Variants in L3MBTL4 observed in about 807,000 individuals in gnomAD.
L3MBTL4 encodes lethal(3)malignant brain tumor-like protein 4.
A neutral mutation model predicts 84.5 loss-of-function variants in L3MBTL4; 70 were observed. The ratio of observed to expected loss-of-function variants is 0.83; its 90% confidence interval spans 0.68 to 1.01. The LOEUF is 1.01. L3MBTL4 is among the 50% of genes least tolerant of loss of function. The probability of loss-of-function intolerance (pLI) is 0.00; values close to 1 mark genes in which losing one functional copy is unlikely to be tolerated. For missense variants in L3MBTL4, 715 were observed against 754.8 expected (o/e 0.95, Z 0.62); for synonymous variants, 274 against 259.8 (o/e 1.05, Z -0.52).
chr18:5,993,517 C>T (rs1011952374), intron 16 of L3MBTL4, among the ~76,000 whole-genome samples: 3 of 152,022 alleles, frequency 2.0e-5, no homozygotes, highest in South Asian at 4.2e-4. Context: ...ATATGATGAG[C>T]TAACCTGGAC....
chr18:6,228,298 A>G (rs2046857944), intron 10 of L3MBTL4, among the ~76,000 whole-genome samples: 1 of 152,174 alleles, frequency 6.6e-6, no homozygotes, highest in Non-Finnish European at 1.5e-5. Flanking sequence ...CAAATATAAA[A>G]CTTCACTAGA....
At chr18:6,073,800 T>A (rs1410367572) in intron 16 of L3MBTL4, among the ~76,000 whole-genome samples, 1 of 152,218 alleles carries the variant, frequency 6.6e-6, no homozygotes, top group Non-Finnish European at 1.5e-5. Context: ...AAAAGTAATA[T>A]TTAATTAGTA....
rs1235666273 is a variant in L3MBTL4 at position 6,171,821 on chromosome 18, T to C, written c.1096+7A>G. 6.7e-7 allele frequency: 1 copy of C among 1,497,660 alleles called. No homozygotes were observed. The highest frequency in any genetic ancestry group is 2.5e-5 in the East Asian group (1 of 40,356). The allele number at this position is 1,497,660 out of a possible 1,614,324, so 92.8% of individuals were successfully genotyped here. ...TAAAAAGCAACAACAAAGAGCAAAG[T>C]ACTCACGCTGTGGCACTTCCAGTGG... On this transcript the variant is annotated splice_region_variant and intron_variant, in intron 13 of 18. Transcript: ENST00000317931.
At chr18:5,991,166 T>C (rs943695442) in intron 16 of L3MBTL4, among the ~76,000 whole-genome samples, 1 of 152,202 alleles carries the variant, frequency 6.6e-6, no homozygotes, top group African/African-American at 2.4e-5. Context: ...AGGCCCATGC[T>C]GACCCTCAAA....
intron 10 of L3MBTL4, among the ~76,000 whole-genome samples, chr18:6,223,784 T>G (rs1038297822): frequency 6.6e-6 from 1 of 152,218 alleles, no homozygotes; most frequent in Admixed American, 6.5e-5. Flanking sequence ...CATCAGCTTC[T>G]TTCTATTCTC....
chr18:5,976,959 A>C (rs1241169025), intron 16 of L3MBTL4, among the ~76,000 whole-genome samples: 1 of 152,038 alleles, frequency 6.6e-6, no homozygotes, highest in Non-Finnish European at 1.5e-5. Context: ...GGGAGGACTG[A>C]GGGAACCGAG....
intron 10 of L3MBTL4, among the ~76,000 whole-genome samples, chr18:6,237,541 C>T (rs546808349): frequency 3.7e-4 from 55 of 149,412 alleles, no homozygotes; most frequent in East Asian, 2.0e-3. Context: ...CTGCAACCTC[C>T]GCCTCCCAGG....
At chr18:6,176,880 A>C (rs1276882207) in intron 12 of L3MBTL4, among the ~76,000 whole-genome samples, 1 of 152,304 alleles carries the variant, frequency 6.6e-6, no homozygotes, top group African/African-American at 2.4e-5. Context: ...ATGATCAATA[A>C]ACAAACTTTT....
At chr18:6,055,064 C>T (rs955767490) in intron 16 of L3MBTL4, among the ~76,000 whole-genome samples, 24 of 152,202 alleles carry the variant, frequency 1.6e-4, no homozygotes, top group African/African-American at 2.2e-4. Flanking sequence ...GATACCTTAG[C>T]GCTGTCCATT....
At chr18:6,101,828 G>A (rs1460383578) in intron 14 of L3MBTL4, among the ~76,000 whole-genome samples, 1 of 152,206 alleles carries the variant, frequency 6.6e-6, no homozygotes, top group Non-Finnish European at 1.5e-5. Flanking sequence ...AAGCATTCCA[G>A]AAGAAGGAGC....
intron 10 of L3MBTL4, among the ~76,000 whole-genome samples, chr18:6,224,396 A>C (rs1039697046): frequency 6.6e-6 from 1 of 152,254 alleles, no homozygotes; most frequent in African/African-American, 2.4e-5. Context: ...GTGTGGGGCT[A>C]AACACAGACA....
intron 16 of L3MBTL4, chr18:6,029,963 T>C: frequency 1.0e-6 from 1 of 985,402 alleles, no homozygotes; most frequent in Non-Finnish European, 1.2e-6. Context: ...AGAAGACACT[T>C]TGAAGCCTCC....
chr18:6,093,012 A>G (rs888133960), intron 15 of L3MBTL4, among the ~76,000 whole-genome samples: 1 of 152,232 alleles, frequency 6.6e-6, no homozygotes, highest in Non-Finnish European at 1.5e-5. Context: ...ATGTGCCAAA[A>G]GAGGTAATAT....
At chr18:6,402,485 A>G (rs761471880) in intron 1 of L3MBTL4, among the ~76,000 whole-genome samples, 2 of 152,290 alleles carry the variant, frequency 1.3e-5, no homozygotes, top group African/African-American at 2.4e-5. Context: ...ATAAGTGGTC[A>G]CTCAATTGCA....
At position 6,014,619 on chromosome 18, in the gene L3MBTL4, G is replaced by A. The variant is rs1320048336; in HGVS notation, c.1445-45057C>T. Among the ~76,000 whole-genome samples, 9 of 152,116 alleles carry A rather than the reference G, an allele frequency of 5.9e-5. 1 individual carries two copies. The highest frequency in any genetic ancestry group is 3.3e-4 in the Admixed American group (5 of 15,268). On this transcript the variant is annotated intron_variant, in intron 16 of 18. Coordinates refer to ENST00000317931, the MANE Select transcript of L3MBTL4 (RefSeq NM_001330559.2). ...AGCCAGAGGTGAGAGGAGCCTGGAG[G>A]ACTAGAATAACAGAACAGAGAGTCC...
chr18:6,264,528 A>G (rs1379808775), intron 4 of L3MBTL4, among the ~76,000 whole-genome samples: 4 of 152,196 alleles, frequency 2.6e-5, no homozygotes, highest in Non-Finnish European at 5.9e-5. Context: ...TCACGCCTGT[A>G]ATCCCAGCAC....
intron 16 of L3MBTL4, among the ~76,000 whole-genome samples, chr18:6,059,687 ATCT>A (rs1282243369): frequency 3.9e-5 from 6 of 152,178 alleles, no homozygotes; most frequent in African/African-American, 9.7e-5. Context: ...AGTTCCAAGA[ATCT>A]TCTTCTCACT....
intron 16 of L3MBTL4, among the ~76,000 whole-genome samples, chr18:6,063,525 TC>T (rs2057304300): frequency 6.6e-6 from 1 of 151,870 alleles, no homozygotes; most frequent in African/African-American, 2.4e-5. Context: ...CATGCCAACA[TC>T]TATTGTTTTT....
At chr18:6,085,163 T>C (rs2058217003) in intron 15 of L3MBTL4, among the ~76,000 whole-genome samples, 1 of 152,104 alleles carries the variant, frequency 6.6e-6, no homozygotes, top group Non-Finnish European at 1.5e-5. Context: ...CATCAGCAAA[T>C]AATAAGTTCC....
Sources: allele counts gnomAD v4.1 joint callset (sites outside exome capture counted in the v4.1 genomes callset), GRCh38; gene constraint gnomAD v4.1.1; transcripts MANE v1.5; gene names NCBI Gene and HGNC (gene_info 2026-07-23, HGNC 2026-07-21).